Variants in CSMD1 observed in about 807,000 individuals in gnomAD.
CSMD1 encodes the protein CUB and Sushi multiple domains 1.
CSMD1 carries 213 observed loss-of-function variants against 417.5 expected under a neutral mutation model. That is an observed-to-expected ratio of 0.51 (90% CI 0.46 to 0.57). The LOEUF (loss-of-function observed/expected upper bound fraction) is 0.57. CSMD1 is among the 20% of genes least tolerant of loss of function. CSMD1 has a pLI of 0.00. For missense variants in CSMD1, 6,923 were observed against 4,529.7 expected, an observed-to-expected ratio of 1.53 and a Z score of -15.17; for synonymous variants, 2,862 against 1,736.8, an observed-to-expected ratio of 1.65 and a Z score of -16.11.
At chr8:4,161,252 T>C (rs1563204817) in intron 3 of CSMD1, among the ~76,000 whole-genome samples, 1 of 152,218 alleles carries the variant, frequency 6.6e-6, no homozygotes, top group African/African-American at 2.4e-5. Context: ...CATCTGCATT[T>C]ACATGTGAGC....
intron 5 of CSMD1, among the ~76,000 whole-genome samples, chr8:3,810,230 G>C (rs1231779825): frequency 1.3e-5 from 2 of 152,090 alleles, no homozygotes; most frequent in African/African-American, 4.8e-5. Context: ...GTATAGAGAA[G>C]TTTTCATAGA....
intron 5 of CSMD1, among the ~76,000 whole-genome samples, chr8:3,786,044 A>G (rs1478360786): frequency 1.3e-5 from 2 of 152,060 alleles, no homozygotes; most frequent in Admixed American, 1.3e-4. Flanking sequence ...GGACGGAAGA[A>G]GTGATGTTTG....
intron 1 of CSMD1, among the ~76,000 whole-genome samples, chr8:4,896,076 C>G (rs776288317): frequency 4.6e-5 from 7 of 152,088 alleles, no homozygotes; most frequent in African/African-American, 7.3e-5. Context: ...TATTTAGAGG[C>G]CTTCCTCTGT....
At position 3,721,179 on chromosome 8, in the gene CSMD1, T is replaced by C. The variant is rs199929414; in HGVS notation, c.932-12688A>G. On this transcript the variant is annotated intron_variant, in intron 6 of 69. Coordinates refer to ENST00000635120, the MANE Select transcript of CSMD1 (RefSeq NM_033225.6). The stretch of plus-strand genomic sequence containing the variant: ...GTGGTCCTGAAACACCATTTTTTTT[T>C]CTCCAGCCTCTGCGTGATTTTCAAA... 5.3e-5 allele frequency among the ~76,000 whole-genome samples: 8 copies of C among 152,264 alleles called. No individual in the cohort carries two copies. In the East Asian group the frequency reaches 5.8e-4, roughly 11 times the overall value.
chr8:3,796,854 T>A (rs942174057), intron 5 of CSMD1, among the ~76,000 whole-genome samples: 3 of 151,722 alleles, frequency 2.0e-5, no homozygotes, highest in African/African-American at 7.2e-5. Context: ...TTGTCAACAT[T>A]TCATTCTATT....
intron 12 of CSMD1, among the ~76,000 whole-genome samples, chr8:3,410,867 A>T (rs1208485063): frequency 2.0e-5 from 3 of 152,114 alleles, no homozygotes; most frequent in Admixed American, 2.0e-4. Flanking sequence ...GACTCCCAAA[A>T]ATTAATGTGA....
At chr8:3,314,047 A>C (rs905927401) in intron 23 of CSMD1, among the ~76,000 whole-genome samples, 3 of 151,714 alleles carry the variant, frequency 2.0e-5, no homozygotes, top group Non-Finnish European at 2.9e-5. Context: ...TCATGTTCTC[A>C]CTCATAGGTG....
chr8:4,941,546 C>T (rs1002686107), intron 1 of CSMD1, among the ~76,000 whole-genome samples: 2 of 151,908 alleles, frequency 1.3e-5, no homozygotes, highest in Non-Finnish European at 2.9e-5. Flanking sequence ...CAGTCTTTGT[C>T]AATTTTTTTC....
Position 4,419,956 on chromosome 8 carries a change from C to G in CSMD1, c.412G>C (p.Glu138Gln), listed in dbSNP as rs768302058. Residue 138 changes from glutamate (E) to glutamine (Q), a missense_variant, in exon 3 of 70, where the codon GAA becomes CAA. Coordinates refer to ENST00000635120, the MANE Select transcript of CSMD1 (RefSeq NM_033225.6). ...VSAQGFKALY[E>Q]VLPSHTCGNP... ...CAAAACACAACCAATCTCCTACCTTCATATAATGCTTTGAAACCTTGGGCA... is the reference window on the plus strand; with the variant it reads ...CAAAACACAACCAATCTCCTACCTTGATATAATGCTTTGAAACCTTGGGCA... 3.2e-6 allele frequency: 5 copies of G among 1,565,882 alleles called. No homozygotes were observed. Among genetic ancestry groups the G allele is most frequent in the Non-Finnish European group, 4.3e-6 (5 of 1,151,144 alleles).
chr8:3,697,735 T>C (rs1367693503), intron 7 of CSMD1, among the ~76,000 whole-genome samples: 7 of 152,236 alleles, frequency 4.6e-5, no homozygotes, highest in Non-Finnish European at 8.8e-5. Flanking sequence ...TATTTTCTTA[T>C]ATAAAATTTG....
chr8:4,030,313 A>G (rs1341504079), intron 4 of CSMD1, among the ~76,000 whole-genome samples: 1 of 152,194 alleles, frequency 6.6e-6, no homozygotes, highest in South Asian at 2.1e-4. Context: ...GCAAACTTCT[A>G]TCTGGACATC....
At chr8:4,017,254 C>G (rs572728013) in intron 4 of CSMD1, among the ~76,000 whole-genome samples, 2 of 152,172 alleles carry the variant, frequency 1.3e-5, no homozygotes, top group Admixed American at 6.5e-5. Context: ...CAATTCAAGG[C>G]TATGCAATTC....
intron 1 of CSMD1, among the ~76,000 whole-genome samples, chr8:4,693,302 C>A (rs1199210067): frequency 6.6e-6 from 1 of 152,176 alleles, no homozygotes; most frequent in Non-Finnish European, 1.5e-5. Context: ...GAAGGAATAG[C>A]AAAAACATCA....
intron 5 of CSMD1, among the ~76,000 whole-genome samples, chr8:3,801,025 C>A (rs570238191): frequency 4.3e-4 from 65 of 151,728 alleles, no homozygotes; most frequent in Admixed American, 1.4e-3. Flanking sequence ...TTGAAAAAAG[C>A]AAAAGAGTAA....
intron 1 of CSMD1, among the ~76,000 whole-genome samples, chr8:4,745,346 C>T (rs1225414573): frequency 6.6e-6 from 1 of 152,096 alleles, no homozygotes; most frequent in Non-Finnish European, 1.5e-5. Flanking sequence ...AAATGCTATA[C>T]AGTTTAGTTA....
intron 4 of CSMD1, among the ~76,000 whole-genome samples, chr8:3,999,375 G>A (rs1447451852): frequency 1.3e-5 from 2 of 152,158 alleles, no homozygotes; most frequent in Non-Finnish European, 2.9e-5. Context: ...TTATACCGAA[G>A]TGAGAGGAAA....
intron 41 of CSMD1, among the ~76,000 whole-genome samples, chr8:3,141,731 C>G (rs1201273151): frequency 6.6e-6 from 1 of 152,102 alleles, no homozygotes; most frequent in Non-Finnish European, 1.5e-5. Context: ...ACTTCCGCCC[C>G]CTGTGATTCC....
intron 2 of CSMD1, among the ~76,000 whole-genome samples, chr8:4,581,641 T>C (rs1799422407): frequency 6.6e-6 from 1 of 152,222 alleles, no homozygotes. Context: ...AAAAGAAAGT[T>C]AGTGGAAAGG....
intron 42 of CSMD1, among the ~76,000 whole-genome samples, chr8:3,111,397 C>A (rs992711916): frequency 1.3e-5 from 2 of 152,112 alleles, no homozygotes; most frequent in African/African-American, 4.8e-5. Flanking sequence ...AGTTTTACTG[C>A]GTAATTATTA....
Sources: gnomAD v4.1 joint callset for allele counts (sites outside exome capture counted in the v4.1 genomes callset) on GRCh38, gnomAD v4.1.1 for gene constraint, MANE v1.5 for transcripts, NCBI Gene and HGNC (gene_info 2026-07-23, HGNC 2026-07-21) for gene names.